Variants in MICAL3 observed in about 807,000 individuals in gnomAD.
The protein encoded by MICAL3 is [F-actin]-monooxygenase MICAL3.
In MICAL3, 62 loss-of-function variants were observed where a neutral mutation model predicts 207.4. The ratio of observed to expected loss-of-function variants is 0.30; its 90% CI spans 0.24 to 0.37. The LOEUF is 0.37. Ranked by LOEUF, MICAL3 falls within the 10% of genes least tolerant of loss-of-function variation. MICAL3 has a pLI of 1.00. For missense variants in MICAL3, 2,368 were observed against 2,635.6 expected (o/e 0.90, Z 2.22); for synonymous variants, 1,077 against 1,069.3 (o/e 1.01, Z -0.14).
rs773923581 is a variant in MICAL3 at position 17,887,242 on chromosome 22, G to A, written c.2005-10C>T. The A allele has an allele frequency of 6.2e-7, 1 of 1,613,028 alleles. No homozygotes were observed. The highest frequency in any genetic ancestry group is 1.7e-5 in the Admixed American group (1 of 59,940). On this transcript the variant is annotated splice_polypyrimidine_tract_variant and intron_variant, in intron 14 of 31. Coordinates refer to ENST00000441493, the MANE Select transcript of MICAL3 (RefSeq NM_015241.3). ...CCTTTTCCTTTTTATCCTGTACCAA[G>A]GGAGGAGGGAAACTGCATTATTCTA...
At chr22:17,983,890 A>G (rs1936039535) in intron 1 of MICAL3, among the ~76,000 whole-genome samples, 1 of 152,210 alleles carries the variant, frequency 6.6e-6, no homozygotes, top group Non-Finnish European at 1.5e-5. Flanking sequence ...GTCAAGGGAG[A>G]CACTTTCACT....
intron 3 of MICAL3, 53 bp downstream of exon 3, chr22:17,904,579 A>T (rs1931578712): frequency 3.7e-6 from 5 of 1,347,142 alleles, no homozygotes. Context: ...TTTCTACTGA[A>T]CAAGCGTGCA....
intron 1 of MICAL3, among the ~76,000 whole-genome samples, chr22:17,922,823 G>C (rs1932831882): frequency 6.6e-6 from 1 of 152,186 alleles, no homozygotes; most frequent in South Asian, 2.1e-4. Context: ...GGGCTAGCTA[G>C]CTCCAAGGCC....
chr22:17,901,003 G>C lies in MICAL3; in HGVS notation c.692-6C>G. 3 of 1,613,860 alleles carry C rather than the reference G, an allele frequency of 1.9e-6. No homozygotes were observed. The highest frequency in any genetic ancestry group is 2.5e-6 in the Non-Finnish European group (3 of 1,179,766). On this transcript the variant is annotated splice_region_variant and splice_polypyrimidine_tract_variant and intron_variant, in intron 5 of 31. Transcript: ENST00000441493. ...GAATTCTTTCCGACGAAACCCTGGA[G>C]GGAAATAAATTTTCAGAGGTGATAA...
intron 16 of MICAL3, chr22:17,881,137 A>G: frequency 7.7e-7 from 1 of 1,303,842 alleles, no homozygotes; most frequent in Non-Finnish European, 1.1e-6. Context: ...CTTGGTCTCT[A>G]CACTAGCCAC....
chr22:17,879,460 T>G, intron 16 of MICAL3: 1 of 1,442,542 alleles, frequency 6.9e-7, no homozygotes, highest in African/African-American at 1.4e-5. Context: ...TTGGACCTAC[T>G]AAACGACAGT....
At chr22:17,931,983 C>T (rs578175857) in intron 1 of MICAL3, among the ~76,000 whole-genome samples, 5 of 152,270 alleles carry the variant, frequency 3.3e-5, no homozygotes, top group African/African-American at 1.2e-4. Flanking sequence ...GGGAGCTTAC[C>T]GTCTAGTGGA....
At chr22:18,020,568 C>CT (rs1479288105) in intron 1 of MICAL3, among the ~76,000 whole-genome samples, 3 of 142,482 alleles carry the variant, frequency 2.1e-5, no homozygotes, top group Non-Finnish European at 4.5e-5. Flanking sequence ...TTTCATGGTG[C>CT]TAAATGTATA....
intron 21 of MICAL3, among the ~76,000 whole-genome samples, chr22:17,828,335 T>C (rs1012356632): frequency 1.3e-5 from 2 of 152,224 alleles, no homozygotes; most frequent in African/African-American, 4.8e-5. Flanking sequence ...GCCGGCCAGC[T>C]CACACAGGAC....
intron 1 of MICAL3, among the ~76,000 whole-genome samples, chr22:17,936,469 A>G (rs1933533627): frequency 6.6e-6 from 1 of 152,088 alleles, no homozygotes; most frequent in South Asian, 2.1e-4. Context: ...AGAAACACCT[A>G]ATGTAAATGA....
At position 17,885,950 on chromosome 22, in the gene MICAL3, C is replaced by T. The variant is rs2146218183; in HGVS notation, c.2169G>A (p.Lys723=). The T allele has an allele frequency of 6.2e-7, 1 of 1,614,038 alleles. No homozygotes were observed. The change falls in exon 16 of 32, where the codon AAG becomes AAA. Residue 723 remains lysine, a synonymous_variant. Coordinates refer to ENST00000441493, the MANE Select transcript of MICAL3 (RefSeq NM_015241.3). ...DVAVGNQNKV[K]YMATQLLAKF... is the part of the protein sequence containing the mutation. ...TGGCCAGCAGCTGGGTCGCCATGTA[C>T]TTCACTTTGTTCTGGTTCCCAACGG... is the stretch of plus-strand genomic sequence containing the variant.
intron 1 of MICAL3, among the ~76,000 whole-genome samples, chr22:17,922,419 G>A (rs557147505): frequency 1.3e-5 from 2 of 152,188 alleles, no homozygotes; most frequent in African/African-American, 2.4e-5. Context: ...AATTTAGGGG[G>A]TGTAAGAAGG....
chr22:17,802,918 C>T (rs1020117378), intron 29 of MICAL3, among the ~76,000 whole-genome samples: 40 of 152,284 alleles, frequency 2.6e-4, no homozygotes, highest in African/African-American at 9.4e-4. Flanking sequence ...GAAAAGCTGC[C>T]TGAAGCTTAG....
intron 1 of MICAL3, among the ~76,000 whole-genome samples, chr22:17,920,710 C>T (rs946688199): frequency 2.0e-5 from 3 of 152,098 alleles, no homozygotes; most frequent in African/African-American, 7.2e-5. Flanking sequence ...TCCACAGGTG[C>T]CTCCCACCAA....
In MICAL3 at chr22:17,871,757, G is replaced by A. The variant is rs900192686; in HGVS notation, c.2428+80C>T. 7.4e-6 allele frequency: 10 copies of A among 1,347,528 alleles called. No homozygotes were observed. The Admixed American group carries it at 7.6e-5, about 10-fold the overall frequency. 83.5% of individuals were successfully genotyped at this position (1,347,528 alleles called of 1,614,324 possible). A position where few individuals can be genotyped will look rare whatever the true frequency, so the allele number is the denominator to read the frequency against. On this transcript the variant is annotated intron_variant, in intron 17 of 31. Transcript: ENST00000441493. ...ACGCACATGGAATAAGGCAGGAAGG[G>A]GCCCAAAGGCGCCCAGCTCAGATGG... is the stretch of plus-strand genomic sequence containing the variant.
intron 22 of MICAL3, 144 bp from the exon 23 acceptor site, chr22:17,823,204 G>T (rs940589277): frequency 8.1e-5 from 51 of 632,196 alleles, no homozygotes; most frequent in Non-Finnish European, 1.3e-4. Flanking sequence ...GGCCCAGGGG[G>T]CTCTCCACAC....
At chr22:17,846,241 G>A (rs1336521713) in intron 19 of MICAL3, among the ~76,000 whole-genome samples, 1 of 152,188 alleles carries the variant, frequency 6.6e-6, no homozygotes, top group Non-Finnish European at 1.5e-5. Flanking sequence ...GGAGAGACAA[G>A]GACACGGAAG....
At position 17,817,413 on chromosome 22, in the gene MICAL3, C is replaced by T. The variant is rs1191815882; in HGVS notation, c.5248G>A (p.Asp1750Asn). The T allele has an allele frequency of 1.2e-6, 2 of 1,613,470 alleles. No homozygotes were observed. The highest frequency in any genetic ancestry group is 1.7e-6 in the Non-Finnish European group (2 of 1,179,856). The part of the protein sequence containing the change: ...WKSVFSGYKK[D>N]KKKKADDKSC... Reference sequence around the variant, plus strand: ...TTGTCGTCGGCCTTCTTCTTCTTGTCCTTCTTGTACCCGGAGAAGACGGAC... The same window carrying T: ...TTGTCGTCGGCCTTCTTCTTCTTGTTCTTCTTGTACCCGGAGAAGACGGAC... Residue 1750 changes from aspartate (D) to asparagine (N), a missense_variant, in exon 26 of 32, where the codon GAC becomes AAC. Physicochemically the swap from Asp to Asn is conservative, Grantham distance 23. Coordinates refer to ENST00000441493, the MANE Select transcript of MICAL3 (RefSeq NM_015241.3).
At chr22:17,885,470 C>A (rs1929786690) in intron 16 of MICAL3, among the ~76,000 whole-genome samples, 1 of 152,072 alleles carries the variant, frequency 6.6e-6, no homozygotes, top group African/African-American at 2.4e-5. Flanking sequence ...GAAAAAAACA[C>A]CAGAAAGAAG....
Sources: allele counts gnomAD v4.1 joint callset (sites outside exome capture counted in the v4.1 genomes callset), GRCh38; gene constraint gnomAD v4.1.1; transcripts MANE v1.5; gene names NCBI Gene and HGNC (gene_info 2026-07-23, HGNC 2026-07-21).